Variants in LRCH3 observed in about 807,000 individuals in gnomAD.
The protein encoded by LRCH3 is leucine rich repeats and calponin homology domain containing 3.
Under a neutral mutation model 104.5 loss-of-function variants are expected in LRCH3, and 68 were observed. That is an observed-to-expected ratio of 0.65 (90% confidence interval 0.54 to 0.80). The LOEUF is 0.80. Ranked by LOEUF, LRCH3 falls within the 30% of genes least tolerant of loss-of-function variation. The pLI is 0.00. For missense variants in LRCH3, 951 were observed against 953.9 expected, an observed-to-expected ratio of 1.00 and a Z score of 0.04; for synonymous variants, 344 against 361.3, an observed-to-expected ratio of 0.95 and a Z score of 0.54.
chr3:197,792,151 G>T (rs1285227815), intron 1 of LRCH3, among the ~76,000 whole-genome samples: 2 of 151,734 alleles, frequency 1.3e-5, no homozygotes, highest in Admixed American at 6.6e-5. Flanking sequence ...GAACCCGAAC[G>T]CTGGAACGTC....
In LRCH3 at chr3:197,880,027, G is replaced by A. The variant is rs9754696; in HGVS notation, c.2209-3514G>A. On this transcript the variant is annotated intron_variant, in intron 20 of 20. Coordinates refer to ENST00000425562, the MANE Select transcript of LRCH3 (RefSeq NM_001365715.1). ...GTGGCGCGATCTCGGCTCACTGCAA[G>A]CTCCGCCTCCCGGGTTCCCGCCATT... Among the ~76,000 whole-genome samples, 5 of 148,702 alleles carry A rather than the reference G, an allele frequency of 3.4e-5. No homozygotes were observed. In the East Asian group the frequency reaches 7.8e-4, roughly 23 times the overall value.
intron 20 of LRCH3, 93 bp downstream of exon 20, chr3:197,875,868 T>C: frequency 1.3e-6 from 1 of 788,200 alleles, no homozygotes; most frequent in Non-Finnish European, 2.1e-6. Context: ...CAGGACTAGC[T>C]CTGAGCTAAG....
At chr3:197,836,315 T>G (rs745350245) in intron 9 of LRCH3, among the ~76,000 whole-genome samples, 81 of 152,258 alleles carry the variant, frequency 5.3e-4, no homozygotes, top group Admixed American at 1.4e-3. Flanking sequence ...GTAAATTGTT[T>G]GCTATTAAAG....
At chr3:197,880,545 C>CT (rs1244594249) in intron 20 of LRCH3, 2 of 1,536,252 alleles carry the variant, frequency 1.3e-6, no homozygotes, top group African/African-American at 2.7e-5. Flanking sequence ...CATCCTTCAG[C>CT]TAAACCTCAG....
rs1490274181 is a variant in LRCH3 at position 197,832,228 on chromosome 3, G to A, written c.1013G>A (p.Arg338Gln). ...PTDEFSDLPL[R>Q]VAEITKEQRL... ...GATGAATTTTCAGATCTGCCTCTTC[G>A]AGTAGCAGAGATTACTAAAGAACAA... Residue 338 changes from arginine to glutamine, a missense_variant, in exon 8 of 21, where the codon CGA becomes CAA. Physicochemically the swap from Arg to Gln is conservative, Grantham distance 43 (BLOSUM62 1). Transcript: ENST00000425562. 5.6e-6 allele frequency: 9 copies of A among 1,613,022 alleles called. No homozygotes were observed. Among genetic ancestry groups the A allele is most frequent in the South Asian group, 2.2e-5 (2 of 90,998 alleles).
At chr3:197,830,282 A>G (rs1354436947) in intron 6 of LRCH3, among the ~76,000 whole-genome samples, 2 of 152,114 alleles carry the variant, frequency 1.3e-5, no homozygotes, top group East Asian at 1.9e-4. Flanking sequence ...AGGTCTTACT[A>G]TGTTGCCCAG....
chr3:197,858,911 T>G lies in LRCH3; in HGVS notation c.1716+6T>G, dbSNP rs1004650759. 6.2e-7 allele frequency: 1 copy of G among 1,611,344 alleles called. No homozygotes were observed. The highest frequency in any genetic ancestry group is 1.3e-5 in the African/African-American group (1 of 74,868). On this transcript the variant is annotated splice_donor_region_variant and intron_variant, in intron 15 of 20. Transcript: ENST00000425562. ...CTGCCTTCACGCCTCTTAAGGTATC[T>G]CTTGTTATTGTAATTCACCAGGAAG...
intron 15 of LRCH3, among the ~76,000 whole-genome samples, chr3:197,862,285 C>T (rs1740976280): frequency 6.6e-6 from 1 of 152,212 alleles, no homozygotes; most frequent in Non-Finnish European, 1.5e-5. Context: ...CGTGAGCCTA[C>T]TGCGCCCGGC....
intron 16 of LRCH3, among the ~76,000 whole-genome samples, chr3:197,865,849 C>T (rs1262081103): frequency 6.6e-6 from 1 of 151,816 alleles, no homozygotes; most frequent in Non-Finnish European, 1.5e-5. Context: ...GAACAACAGC[C>T]GTAGGTCTGC....
chr3:197,813,561 C>T (rs1479070101), intron 1 of LRCH3, among the ~76,000 whole-genome samples: 7 of 108,440 alleles, frequency 6.5e-5, no homozygotes, highest in East Asian at 6.2e-4. Flanking sequence ...GATGGAATCT[C>T]GCTCTCTTGC....
chr3:197,862,531 T>TAGTCTATGTCCTGTTAATAAG (rs1392210113), intron 15 of LRCH3, among the ~76,000 whole-genome samples: 2 of 150,876 alleles, frequency 1.3e-5, no homozygotes, highest in African/African-American at 5.0e-5. Flanking sequence ...TTTTAAATTT[T>TAGTCTATGTCCTGTTAATAAG]TGAAAATATT....
At chr3:197,809,331 C>T (rs983854448) in intron 1 of LRCH3, among the ~76,000 whole-genome samples, 4 of 151,880 alleles carry the variant, frequency 2.6e-5, no homozygotes, top group Non-Finnish European at 5.9e-5. Context: ...CTCTGTCTTC[C>T]GTTTTCAGAA....
chr3:197,801,876 TG>T (rs1312837681), intron 1 of LRCH3, among the ~76,000 whole-genome samples: 1 of 152,206 alleles, frequency 6.6e-6, no homozygotes, highest in African/African-American at 2.4e-5. Context: ...CTGGAGGCTT[TG>T]GGGAACAGTT....
In LRCH3 at chr3:197,836,866, C is replaced by T. The variant is rs571696360; in HGVS notation, c.1251+1044C>T. 6.6e-4 allele frequency among the ~76,000 whole-genome samples: 101 copies of T among 152,070 alleles called. 1 individual carries two copies. The highest frequency in any genetic ancestry group is 1.2e-3 in the Non-Finnish European group (81 of 67,986). On this transcript the variant is annotated intron_variant, in intron 9 of 20. Transcript: ENST00000425562. ...CTAATTTTTATATTTTTAGTAGAGACGGGGTTTCACCATGTTGGCCAGGCT... is the reference window on the plus strand; with the variant it reads ...CTAATTTTTATATTTTTAGTAGAGATGGGGTTTCACCATGTTGGCCAGGCT...
chr3:197,797,087 G>C (rs939870942), intron 1 of LRCH3, among the ~76,000 whole-genome samples: 1 of 151,344 alleles, frequency 6.6e-6, no homozygotes, highest in Non-Finnish European at 1.5e-5. Context: ...CAGCACTTTG[G>C]GGGGCCGAGG....
rs148495029 is a variant in LRCH3, at chr3:197,845,041, G to A, written c.1329-2368G>A. Reference sequence around the variant, plus strand: ...TTTAGTGAAACTGAAAGGACGGGACGCAGATTGGATTGGGTGCAAAATACA... The same window carrying A: ...TTTAGTGAAACTGAAAGGACGGGACACAGATTGGATTGGGTGCAAAATACA... On this transcript the variant is annotated intron_variant, in intron 10 of 20. Transcript: ENST00000425562. 4.6e-3 allele frequency among the ~76,000 whole-genome samples: 704 copies of A among 152,288 alleles called. 7 individuals carry two copies. Among genetic ancestry groups the A allele is most frequent in the African/African-American group, 0.015 (616 of 41,564 alleles).
At chr3:197,848,778 C>G (rs547678043) in intron 12 of LRCH3, among the ~76,000 whole-genome samples, 1 of 152,332 alleles carries the variant, frequency 6.6e-6, no homozygotes, top group East Asian at 1.9e-4. Flanking sequence ...CCACTAAAGA[C>G]TTTCCTGTAT....
chr3:197,792,556 CG>C (rs2109076008), intron 1 of LRCH3, among the ~76,000 whole-genome samples: 1 of 54,052 alleles, frequency 1.9e-5, no homozygotes, highest in African/African-American at 5.4e-5. Flanking sequence ...TACAGGCAGC[CG>C]CCACCACGCC....
Position 197,854,585 on chromosome 3 carries a change from A to G in LRCH3, c.1644+140A>G. The stretch of plus-strand genomic sequence containing the variant: ...ATGAAGAACTAAACCATTTTCCCAC[A>G]TGACCATTTGTGATTGACCCAGTGT... On this transcript the variant is annotated intron_variant, in intron 14 of 20. Transcript: ENST00000425562. The surrounding 1 kb of genome is among the most constrained non-coding windows in gnomAD (Gnocchi z 4.5). 2 of 820,212 alleles carry G rather than the reference A, an allele frequency of 2.4e-6. No homozygotes were observed. The highest frequency in any genetic ancestry group is 1.6e-5 in the South Asian group (1 of 64,330). 50.8% of individuals were successfully genotyped at this position (820,212 alleles called of 1,614,324 possible).
Sources: allele counts gnomAD v4.1 joint callset (sites outside exome capture counted in the v4.1 genomes callset), GRCh38; gene constraint gnomAD v4.1.1; non-coding constraint Gnocchi (gnomAD v3.1); transcripts MANE v1.5; gene names NCBI Gene and HGNC (gene_info 2026-07-23, HGNC 2026-07-21).